Variants in TTC39B observed in about 807,000 individuals in gnomAD.
TTC39B encodes tetratricopeptide repeat protein 39B.
Under a neutral mutation model 96.6 loss-of-function variants are expected in TTC39B, and 92 were observed. That is an observed-to-expected ratio of 0.95 (90% CI 0.80 to 1.13). The LOEUF is 1.13. TTC39B is among the 50% of genes most tolerant of loss of function. The probability of loss-of-function intolerance (pLI) is 0.00; values close to 1 mark genes in which losing one functional copy is unlikely to be tolerated. For synonymous variants in TTC39B, 367 were observed against 299.4 expected (o/e 1.23, Z -2.33); for missense variants, 955 against 809.3 (o/e 1.18, Z -2.18).
At chr9:15,230,817 T>TC (rs1821380228) in intron 2 of TTC39B, among the ~76,000 whole-genome samples, 1 of 152,034 alleles carries the variant, frequency 6.6e-6, no homozygotes, top group Non-Finnish European at 1.5e-5. Context: ...AAACTCCATC[T>TC]CTACTAAAAA....
At position 15,205,931 on chromosome 9, in the gene TTC39B, G is replaced by A. The variant is rs552199815; in HGVS notation, c.692-2041C>T. On this transcript the variant is annotated intron_variant, in intron 6 of 19. Transcript: ENST00000512701. Reference sequence around the variant, plus strand: ...GGAGGAGACATCAATGAGGCTGGAAGGGCTCAGTCAAGGCTCAATTATAAG... The same window carrying A: ...GGAGGAGACATCAATGAGGCTGGAAAGGCTCAGTCAAGGCTCAATTATAAG... Among the ~76,000 whole-genome samples, 15 of 152,268 alleles carry A rather than the reference G, an allele frequency of 9.9e-5. 1 individual carries two copies. Among genetic ancestry groups the A allele is most frequent in the Admixed American group, 8.5e-4 (13 of 15,292 alleles).
Position 15,199,009 on chromosome 9 carries a change from A to G in TTC39B, c.824+852T>C, listed in dbSNP as rs547941116. Among the ~76,000 whole-genome samples the G allele has an allele frequency of 3.9e-5, 6 of 152,312 alleles. No homozygotes were observed. The South Asian group carries it at 8.3e-4, about 21-fold the overall frequency. ...AGGAAGACAGAAGAATTATAAATAC[A>G]TATTATAAAAGCCTAACAACAGAGC... On this transcript the variant is annotated intron_variant, in intron 8 of 19. Coordinates refer to ENST00000512701, the Ensembl canonical transcript of TTC39B.
At chr9:15,183,148 T>C (rs943415258) in intron 16 of TTC39B, among the ~76,000 whole-genome samples, 11 of 152,104 alleles carry the variant, frequency 7.2e-5, no homozygotes, top group Non-Finnish European at 4.4e-5. Flanking sequence ...TTTTAAGATA[T>C]GATAAAAATA....
chr9:15,180,011 G>C (rs1475580492), intron 17 of TTC39B, among the ~76,000 whole-genome samples: 1 of 152,158 alleles, frequency 6.6e-6, no homozygotes, highest in Non-Finnish European at 1.5e-5. Context: ...CCTCATGAAA[G>C]TGTTCATAGA....
At chr9:15,290,783 C>A (rs570382088) in intron 1 of TTC39B, among the ~76,000 whole-genome samples, 1 of 152,178 alleles carries the variant, frequency 6.6e-6, no homozygotes, top group Non-Finnish European at 1.5e-5. Context: ...TTCCTGCTTT[C>A]CCCTTCTGCC....
intron 1 of TTC39B, among the ~76,000 whole-genome samples, chr9:15,295,032 T>G (rs1382967081): frequency 6.6e-6 from 1 of 152,212 alleles, no homozygotes; most frequent in Non-Finnish European, 1.5e-5. Context: ...TAATGGGATG[T>G]GTCAAGTAAT....
chr9:15,260,056 A>C (rs549702243), intron 2 of TTC39B, among the ~76,000 whole-genome samples: 1 of 152,242 alleles, frequency 6.6e-6, no homozygotes, highest in African/African-American at 2.4e-5. Context: ...AATGCATTAA[A>C]TTGTATAATT....
At chr9:15,178,472 G>A (rs1455374518) in intron 17 of TTC39B, among the ~76,000 whole-genome samples, 1 of 152,164 alleles carries the variant, frequency 6.6e-6, no homozygotes, top group East Asian at 1.9e-4. Context: ...GCTACTCAGA[G>A]ATAGAGGCAG....
chr9:15,175,355 G>C (rs947345895), intron 18 of TTC39B, among the ~76,000 whole-genome samples: 4 of 152,044 alleles, frequency 2.6e-5, no homozygotes, highest in Non-Finnish European at 5.9e-5. Context: ...ACCCAGCACT[G>C]ATGGTTGATC....
chr9:15,173,106 C>G (rs557682617), intron 19 of TTC39B, among the ~76,000 whole-genome samples: 7 of 152,196 alleles, frequency 4.6e-5, no homozygotes, highest in African/African-American at 1.7e-4. Context: ...CAGTGAGTTA[C>G]TAGTCTTTTA....
At chr9:15,290,555 C>A (rs1361136920) in intron 1 of TTC39B, among the ~76,000 whole-genome samples, 1 of 152,218 alleles carries the variant, frequency 6.6e-6, no homozygotes, top group Non-Finnish European at 1.5e-5. Context: ...TAGAAGTCAT[C>A]CTACCATCCA....
At chr9:15,280,956 A>G (rs1823739251) in intron 1 of TTC39B, among the ~76,000 whole-genome samples, 1 of 152,166 alleles carries the variant, frequency 6.6e-6, no homozygotes, top group African/African-American at 2.4e-5. Context: ...TGTGTTGAAA[A>G]GATGAAAACA....
intron 3 of TTC39B, chr9:15,224,544 C>T (rs1006083191): frequency 6.6e-6 from 1 of 152,224 alleles, no homozygotes; most frequent in Non-Finnish European, 1.5e-5. Flanking sequence ...TCAACAACTA[C>T]GTGCATGCTA....
intron 19 of TTC39B, 60 bp from the exon 20 acceptor site, chr9:15,172,169 A>G: frequency 8.8e-7 from 1 of 1,131,402 alleles, no homozygotes; most frequent in Non-Finnish European, 1.3e-6. Context: ...AGGTACCACC[A>G]CTCTCCCATT....
intron 2 of TTC39B, among the ~76,000 whole-genome samples, chr9:15,256,790 G>A (rs897189884): frequency 3.7e-4 from 57 of 152,176 alleles, no homozygotes; most frequent in Admixed American, 3.3e-3. Flanking sequence ...ACAAAAAACT[G>A]TATAAGGCTT....
At position 15,204,266 on chromosome 9, in the gene TTC39B, C is replaced by T. The variant is rs565866437; in HGVS notation, c.692-376G>A. Among the ~76,000 whole-genome samples, 24 of 152,214 alleles carry T rather than the reference C, an allele frequency of 1.6e-4. No homozygotes were observed. In the East Asian group the frequency reaches 4.1e-3, roughly 26 times the overall value. ...AACTTTGGCTGTGCGTGGTGGTTTA[C>T]GCCTGTAATCCCAGCACTTTGGGAG... is the stretch of plus-strand genomic sequence containing the variant. On this transcript the variant is annotated intron_variant, in intron 6 of 19. Transcript: ENST00000512701.
At chr9:15,225,764 G>A (rs1272296338) in intron 3 of TTC39B, among the ~76,000 whole-genome samples, 153 bp downstream of exon 3, 2 of 152,212 alleles carry the variant, frequency 1.3e-5, no homozygotes, top group Admixed American at 6.5e-5. Flanking sequence ...CTCCTTCCCT[G>A]ATTTATAAAA....
chr9:15,233,090 T>C (rs373026259), intron 2 of TTC39B, among the ~76,000 whole-genome samples: 11 of 152,136 alleles, frequency 7.2e-5, no homozygotes, highest in Admixed American at 2.0e-4. Flanking sequence ...AGCCGGGCAG[T>C]TGGAGGCGGG....
chr9:15,255,830 CT>C (rs1337806186), intron 2 of TTC39B, among the ~76,000 whole-genome samples: 1 of 151,362 alleles, frequency 6.6e-6, no homozygotes, highest in Admixed American at 6.6e-5. Flanking sequence ...CAGCCACAGT[CT>C]TTTTTTTTAA....
Sources: gnomAD v4.1 joint callset for allele counts (sites outside exome capture counted in the v4.1 genomes callset) on GRCh38, gnomAD v4.1.1 for gene constraint, MANE v1.5 for transcripts, NCBI Gene and HGNC (gene_info 2026-07-23, HGNC 2026-07-21) for gene names.